SPATA6: variants seen among roughly 807,000 people sequenced by gnomAD.
SPATA6 encodes the protein spermatogenesis associated 6.
In SPATA6, 56 loss-of-function variants were observed where a neutral mutation model predicts 65.3. The observed-to-expected ratio is 0.86, with a 90% CI of 0.69 to 1.07. SPATA6 has a LOEUF of 1.07. Ranked by LOEUF, SPATA6 falls within the 50% of genes least tolerant of loss-of-function variation. The probability of loss-of-function intolerance (pLI) is 0.00; values close to 1 mark genes in which losing one functional copy is unlikely to be tolerated. For missense variants in SPATA6, 590 were observed against 594.8 expected, an observed-to-expected ratio of 0.99 and a Z score of 0.08; for synonymous variants, 199 against 213.2, an observed-to-expected ratio of 0.93 and a Z score of 0.58.
intron 11 of SPATA6, among the ~76,000 whole-genome samples, chr1:48,313,298 G>A (rs763623011): frequency 2.0e-5 from 3 of 152,204 alleles, no homozygotes; most frequent in Admixed American, 6.5e-5. Context: ...CAGAGAGAAA[G>A]GTCGGGTTAC....
chr1:48,267,567 C>G, the SPATA6 span, among the ~76,000 whole-genome samples: 5 of 151,936 alleles, frequency 3.3e-5, 1 homozygote, highest in African/African-American at 1.2e-4. Context: ...AGCAGCTGGA[C>G]TCTCCTCCAA....
chr1:48,301,684 T>C (rs1644942689), intron 12 of SPATA6, among the ~76,000 whole-genome samples: 1 of 152,018 alleles, frequency 6.6e-6, no homozygotes, highest in African/African-American at 2.4e-5. Flanking sequence ...AACAGACGAA[T>C]AGACTAATGG....
intron 3 of SPATA6, among the ~76,000 whole-genome samples, chr1:48,418,331 C>T (rs1376179501): frequency 6.6e-6 from 1 of 151,690 alleles, no homozygotes; most frequent in African/African-American, 2.4e-5. Flanking sequence ...CTTGACTGAC[C>T]TTACAATAAT....
intron 8 of SPATA6, among the ~76,000 whole-genome samples, chr1:48,389,680 G>GA (rs368966359): frequency 4.0e-5 from 6 of 151,750 alleles, no homozygotes; most frequent in South Asian, 4.2e-4. Flanking sequence ...AATATATCCA[G>GA]AAAAAAAATC....
chr1:48,400,811 G>A, intron 6 of SPATA6: 2 of 1,295,118 alleles, frequency 1.5e-6, no homozygotes, highest in Non-Finnish European at 2.0e-6. Flanking sequence ...TTCTTCTGTA[G>A]TTCATGGTAT....
At chr1:48,397,376 A>G (rs930868882) in intron 7 of SPATA6, among the ~76,000 whole-genome samples, 6 of 151,748 alleles carry the variant, frequency 4.0e-5, no homozygotes, top group Admixed American at 1.3e-4. Flanking sequence ...TAGAAAAAGA[A>G]AAGATCTTAT....
chr1:48,326,472 C>T (rs1645763217), intron 11 of SPATA6, among the ~76,000 whole-genome samples: 2 of 145,880 alleles, frequency 1.4e-5, no homozygotes, highest in Non-Finnish European at 1.5e-5. Flanking sequence ...CAATTACCAA[C>T]ATCATTTTTT....
intron 3 of SPATA6, among the ~76,000 whole-genome samples, chr1:48,433,045 C>T (rs924239613): frequency 6.6e-5 from 10 of 152,058 alleles, no homozygotes; most frequent in African/African-American, 2.2e-4. Context: ...CACATAAATA[C>T]AGCATGATTG....
intron 3 of SPATA6, among the ~76,000 whole-genome samples, chr1:48,425,430 T>G (rs1460738814): frequency 6.6e-6 from 1 of 152,200 alleles, no homozygotes; most frequent in African/African-American, 2.4e-5. Context: ...TATATACAAA[T>G]GTCAATAGTC....
intron 12 of SPATA6, among the ~76,000 whole-genome samples, chr1:48,300,841 G>A (rs1253053289): frequency 6.6e-6 from 1 of 151,968 alleles, no homozygotes; most frequent in Non-Finnish European, 1.5e-5. Flanking sequence ...TGCTGAAAAA[G>A]CATTCAATAC....
At chr1:48,464,720 T>C (rs574059435) in intron 1 of SPATA6, among the ~76,000 whole-genome samples, 20 of 152,228 alleles carry the variant, frequency 1.3e-4, no homozygotes, top group African/African-American at 4.6e-4. Flanking sequence ...TCAAAATATA[T>C]TGTAAGAGAA....
At chr1:48,379,659 A>C (rs1279359575) in intron 9 of SPATA6, among the ~76,000 whole-genome samples, 1 of 152,206 alleles carries the variant, frequency 6.6e-6, no homozygotes, top group Non-Finnish European at 1.5e-5. Flanking sequence ...GTAATACCTT[A>C]TATGGTAGTA....
intron 11 of SPATA6, among the ~76,000 whole-genome samples, chr1:48,335,604 C>T (rs1194447368): frequency 2.0e-5 from 3 of 152,082 alleles, no homozygotes; most frequent in Non-Finnish European, 4.4e-5. Context: ...AACTGGACCA[C>T]TTCCTTAAAA....
chr1:48,456,512 A>G (rs1657014841), intron 1 of SPATA6, among the ~76,000 whole-genome samples: 2 of 151,590 alleles, frequency 1.3e-5, no homozygotes, highest in African/African-American at 4.8e-5. Flanking sequence ...AAAAAAAAAG[A>G]GCAGTCAATA....
At chr1:48,350,196 T>C (rs940347937) in intron 11 of SPATA6, among the ~76,000 whole-genome samples, 3 of 151,834 alleles carry the variant, frequency 2.0e-5, no homozygotes, top group Non-Finnish European at 4.4e-5. Context: ...GAGCATGTTT[T>C]AATGTGTTCT....
At chr1:48,396,294 G>C (rs746021915) in intron 7 of SPATA6, among the ~76,000 whole-genome samples, 1 of 151,608 alleles carries the variant, frequency 6.6e-6, no homozygotes, top group Non-Finnish European at 1.5e-5. Flanking sequence ...AGTGCAAAAT[G>C]GTACACCTGC....
At chr1:48,310,600 T>C (rs1209754309) in intron 11 of SPATA6, among the ~76,000 whole-genome samples, 1 of 152,140 alleles carries the variant, frequency 6.6e-6, no homozygotes. Flanking sequence ...CAGGATTCTC[T>C]AGAGAAAACA....
chr1:48,370,023 G>A (rs1280864272), intron 9 of SPATA6, among the ~76,000 whole-genome samples: 1 of 152,148 alleles, frequency 6.6e-6, no homozygotes, highest in Non-Finnish European at 1.5e-5. Flanking sequence ...TATGAAATAA[G>A]ATTCCTGAAA....
intron 3 of SPATA6, among the ~76,000 whole-genome samples, chr1:48,416,661 C>G (rs903750719): frequency 1.3e-5 from 2 of 151,434 alleles, no homozygotes; most frequent in Non-Finnish European, 2.9e-5. Flanking sequence ...TACTTCTCAA[C>G]TTATTTATGA....
Sources: allele counts gnomAD v4.1 joint callset (sites outside exome capture counted in the v4.1 genomes callset), GRCh38; gene constraint gnomAD v4.1.1; transcripts MANE v1.5; gene names NCBI Gene and HGNC (gene_info 2026-07-23, HGNC 2026-07-21).